The following HAPLN1 variants were observed in gnomAD, a reference collection of about 807,000 sequenced individuals.
The protein encoded by HAPLN1 is hyaluronan and proteoglycan link protein 1.
HAPLN1 carries 13 observed loss-of-function variants against 36.5 expected under a neutral mutation model. The ratio of observed to expected loss-of-function variants is 0.36; its 90% confidence interval spans 0.23 to 0.57. The LOEUF is 0.57. Ranked by LOEUF, HAPLN1 falls within the 20% of genes least tolerant of loss-of-function variation. HAPLN1 has a pLI of 0.83. For synonymous variants in HAPLN1, 202 were observed against 169.8 expected, an observed-to-expected ratio of 1.19 and a Z score of -1.48; for missense variants, 407 against 439.7, an observed-to-expected ratio of 0.93 and a Z score of 0.66.
chr5:83,673,227 C>A (rs2112598668), intron 2 of HAPLN1, among the ~76,000 whole-genome samples, 197 bp downstream of exon 2: 1 of 152,292 alleles, frequency 6.6e-6, no homozygotes, highest in East Asian at 1.9e-4. Flanking sequence ...AGCTACTCAA[C>A]TTTAATTGTC....
intron 4 of HAPLN1, among the ~76,000 whole-genome samples, chr5:83,642,447 CCTAACTATTT>C (rs1749729147): frequency 6.6e-6 from 1 of 152,134 alleles, no homozygotes; most frequent in Non-Finnish European, 1.5e-5. Flanking sequence ...AACCCTGACA[CCTAACTATTT>C]CTCAATTTCA....
chr5:83,637,866 T>C lies in HAPLN1; in HGVS notation c.*3630A>G, dbSNP rs1032072715. The C allele has an allele frequency of 2.0e-5, 3 of 152,044 alleles. No individual in the cohort carries two copies. 9.4% of individuals were successfully genotyped at this position (152,044 alleles called of 1,614,324 possible). On this transcript the variant is annotated 3_prime_UTR_variant, in exon 5 of 5. Transcript: ENST00000274341. ...TGATTAAGTTATAAAGCATTTAAAA[T>C]GTGTTAATCTAATCAACAACACAAT...
chr5:83,656,781 G>A lies in HAPLN1; in HGVS notation c.101-3957C>T, dbSNP rs17284601. Among the ~76,000 whole-genome samples the A allele has an allele frequency of 9.8e-3, 1,495 of 152,244 alleles. 14 individuals are homozygous for A. The highest frequency in any genetic ancestry group is 0.017 in the Non-Finnish European group (1,160 of 68,018). On this transcript the variant is annotated intron_variant, in intron 2 of 4. Coordinates refer to ENST00000274341, the MANE Select transcript of HAPLN1 (RefSeq NM_001884.4). Reference sequence around the variant, plus strand: ...AATGGGGACTCACTGAACCGCTGGGGCCTCGTTATTATCTTACAAATTCTG... The same window carrying A: ...AATGGGGACTCACTGAACCGCTGGGACCTCGTTATTATCTTACAAATTCTG...
intron 2 of HAPLN1, among the ~76,000 whole-genome samples, chr5:83,671,751 C>T (rs1750730113): frequency 6.6e-6 from 1 of 152,186 alleles, no homozygotes; most frequent in South Asian, 2.1e-4. Flanking sequence ...ATTAAATTTC[C>T]ACAAGCCAAA....
chr5:83,645,543 G>A lies in HAPLN1; in HGVS notation c.473-878C>T, dbSNP rs563900511. Among the ~76,000 whole-genome samples the A allele has an allele frequency of 2.4e-5, 3 of 127,632 alleles. No individual in the cohort carries two copies. In the East Asian group the frequency reaches 6.9e-4, roughly 30 times the overall value. 83.7% of individuals were successfully genotyped at this position (127,632 alleles called of 152,430 possible). A position where few individuals can be genotyped will look rare whatever the true frequency, so the allele number is the denominator to read the frequency against. On this transcript the variant is annotated intron_variant, in intron 3 of 4. Coordinates refer to ENST00000274341, the MANE Select transcript of HAPLN1 (RefSeq NM_001884.4). Reference sequence around the variant, plus strand: ...TATATTTTATGTGTGGCCCAAGACAGTTCTTCTTCCAATGTGGCCGAGGAA... The same window carrying A: ...TATATTTTATGTGTGGCCCAAGACAATTCTTCTTCCAATGTGGCCGAGGAA...
intron 1 of HAPLN1, among the ~76,000 whole-genome samples, chr5:83,700,040 A>G (rs565783914): frequency 4.3e-4 from 65 of 152,174 alleles, no homozygotes; most frequent in African/African-American, 1.3e-3. Context: ...CTAAAAATAC[A>G]AAAATTAGCT....
intron 1 of HAPLN1, among the ~76,000 whole-genome samples, chr5:83,684,445 C>T (rs1009033450): frequency 1.4e-4 from 21 of 152,218 alleles, no homozygotes; most frequent in Admixed American, 1.2e-3. Flanking sequence ...AGCATGCAGT[C>T]GGAATGGTGC....
chr5:83,648,032 T>C (rs1749923904), intron 3 of HAPLN1, among the ~76,000 whole-genome samples: 1 of 152,116 alleles, frequency 6.6e-6, no homozygotes, highest in South Asian at 2.1e-4. Context: ...TTTCATATCA[T>C]TATTTGTGTA....
At position 83,642,873 on chromosome 5, in the gene HAPLN1, T is replaced by C. The variant is rs115260072; in HGVS notation, c.776-1088A>G. Among the ~76,000 whole-genome samples the C allele has an allele frequency of 2.0e-3, 305 of 152,326 alleles. 1 individual carries two copies. The highest frequency in any genetic ancestry group is 6.9e-3 in the African/African-American group (288 of 41,570). ...TCAAAATTGGCCTCCTACCTGTTTTTGTAAATGAAGTTTTATTGGAATGCT... is the reference window on the plus strand; with the variant it reads ...TCAAAATTGGCCTCCTACCTGTTTTCGTAAATGAAGTTTTATTGGAATGCT... On this transcript the variant is annotated intron_variant, in intron 4 of 4. Transcript: ENST00000274341.
At chr5:83,708,044 T>C (rs1404813001) in intron 1 of HAPLN1, among the ~76,000 whole-genome samples, 1 of 152,166 alleles carries the variant, frequency 6.6e-6, no homozygotes, top group African/African-American at 2.4e-5. Context: ...ATGGCTATAA[T>C]TAAGAAGTCA....
In HAPLN1 at chr5:83,718,913, C is replaced by T. The variant is rs80232881; in HGVS notation, c.-27+1876G>A. Among the ~76,000 whole-genome samples the T allele has an allele frequency of 7.9e-4, 120 of 152,312 alleles. 1 individual carries two copies. The East Asian group carries it at 0.01, about 13-fold the overall frequency. ...ATCTTTACAAAGATGAAGTGCATTGCTATCTTAAGATTCAAAGGACTTCTT... is the reference window on the plus strand; with the variant it reads ...ATCTTTACAAAGATGAAGTGCATTGTTATCTTAAGATTCAAAGGACTTCTT... On this transcript the variant is annotated intron_variant, in intron 1 of 4. Coordinates refer to ENST00000274341, the MANE Select transcript of HAPLN1 (RefSeq NM_001884.4).
At chr5:83,695,348 A>T (rs1190608393) in intron 1 of HAPLN1, among the ~76,000 whole-genome samples, 1 of 151,504 alleles carries the variant, frequency 6.6e-6, no homozygotes, top group Admixed American at 6.6e-5. Context: ...CTGGTCTCGA[A>T]CTCCTGACCT....
intron 2 of HAPLN1, among the ~76,000 whole-genome samples, chr5:83,660,624 T>C (rs1750359188): frequency 6.6e-6 from 1 of 152,150 alleles, no homozygotes; most frequent in Non-Finnish European, 1.5e-5. Flanking sequence ...TTAATCTTTT[T>C]TTTCTAGCAG....
intron 2 of HAPLN1, among the ~76,000 whole-genome samples, chr5:83,664,767 A>G (rs1026480433): frequency 1.3e-5 from 2 of 152,208 alleles, no homozygotes; most frequent in Non-Finnish European, 2.9e-5. Flanking sequence ...ATAATGAGTT[A>G]TAAGAAAAAA....
intron 2 of HAPLN1, among the ~76,000 whole-genome samples, chr5:83,653,866 G>A (rs1750143380): frequency 6.6e-6 from 1 of 152,238 alleles, no homozygotes; most frequent in Non-Finnish European, 1.5e-5. Context: ...AGTGTCTCTT[G>A]AGGATGTGCA....
intron 1 of HAPLN1, among the ~76,000 whole-genome samples, chr5:83,677,589 G>A (rs539237393): frequency 6.6e-6 from 1 of 151,802 alleles, no homozygotes; most frequent in African/African-American, 2.4e-5. Context: ...TGATCCTTTG[G>A]CAACCTGACA....
At chr5:83,655,037 C>A (rs1222078250) in intron 2 of HAPLN1, among the ~76,000 whole-genome samples, 2 of 152,166 alleles carry the variant, frequency 1.3e-5, no homozygotes, top group African/African-American at 4.8e-5. Flanking sequence ...TAAGATACTG[C>A]CCAATATAGA....
chr5:83,665,433 C>T (rs1260886477), intron 2 of HAPLN1, among the ~76,000 whole-genome samples: 2 of 152,172 alleles, frequency 1.3e-5, no homozygotes, highest in African/African-American at 2.4e-5. Context: ...ATTTCCAATG[C>T]TTTCCAGGAA....
At chr5:83,688,911 A>C (rs1368200445) in intron 1 of HAPLN1, among the ~76,000 whole-genome samples, 2 of 152,088 alleles carry the variant, frequency 1.3e-5, no homozygotes, top group African/African-American at 2.4e-5. Context: ...ATTTGTCAAC[A>C]ATGCCCATTT....
Sources: allele counts gnomAD v4.1 joint callset (sites outside exome capture counted in the v4.1 genomes callset), GRCh38; gene constraint gnomAD v4.1.1; transcripts MANE v1.5; gene names NCBI Gene and HGNC (gene_info 2026-07-23, HGNC 2026-07-21).